MROH9: variants seen among roughly 807,000 people sequenced by gnomAD.
MROH9 encodes maestro heat like repeat family member 9, also known as maestro heat-like repeat-containing protein family member 9.
Under a neutral mutation model 98.2 loss-of-function variants are expected in MROH9, and 92 were observed. The observed-to-expected ratio is 0.94, with a 90% CI of 0.79 to 1.11. MROH9 has a LOEUF of 1.11. MROH9 is among the 50% of genes most tolerant of loss of function. The probability of loss-of-function intolerance (pLI) is 0.00; values close to 1 mark genes in which losing one functional copy is unlikely to be tolerated. For synonymous variants in MROH9, 397 were observed against 368.9 expected (o/e 1.08, Z -0.87); for missense variants, 1,057 against 1,014.8 (o/e 1.04, Z -0.57).
At chr1:170,965,336 A>G (rs1189700433) in intron 7 of MROH9, 81 bp downstream of exon 7, 1 of 892,362 alleles carries the variant, frequency 1.1e-6, no homozygotes, top group Non-Finnish European at 1.8e-6. Flanking sequence ...TTGGGTCCTA[A>G]CAGTACTTGA....
chr1:171,014,184 A>G lies in MROH9; in HGVS notation c.1664A>G (p.Asn555Ser), dbSNP rs1372939865. 1.9e-6 allele frequency: 3 copies of G among 1,550,904 alleles called. No homozygotes were observed. Among genetic ancestry groups the G allele is most frequent in the African/African-American group, 1.4e-5 (1 of 73,034 alleles). ...EFLVLFINWI[N>S]DSNPVVSRLI... The stretch of plus-strand genomic sequence containing the variant: ...TTGGTCCTCTTCATAAACTGGATCA[A>G]TGATTCCAATCCTGTAGTTAGCAGA... Residue 555 changes from asparagine (N) to serine (S), a missense_variant, in exon 16 of 22, where the codon AAT becomes AGT. Asn to Ser is a conservative substitution (Grantham distance 46). Transcript: ENST00000367759.
At chr1:170,949,382 A>G (rs1258984600) in intron 3 of MROH9, among the ~76,000 whole-genome samples, 1 of 152,080 alleles carries the variant, frequency 6.6e-6, no homozygotes, top group African/African-American at 2.4e-5. Context: ...AAGAGGAAAT[A>G]ACAGGAGTTG....
rs545701717 is a variant in MROH9 at position 171,015,414 on chromosome 1, C to T, written c.1735-749C>T. Reference sequence around the variant, plus strand: ...GTGATCTGGGTTGAGATTTCATATACTGTTGGTAAAGACACAAATGGCCTC... The same window carrying T: ...GTGATCTGGGTTGAGATTTCATATATTGTTGGTAAAGACACAAATGGCCTC... On this transcript the variant is annotated intron_variant, in intron 16 of 21. Transcript: ENST00000367759. 5.3e-5 allele frequency among the ~76,000 whole-genome samples: 8 copies of T among 152,324 alleles called. 1 individual carries two copies. The South Asian group carries it at 1.5e-3, about 28-fold the overall frequency.
chr1:171,014,620 G>A (rs1183894928), intron 16 of MROH9, among the ~76,000 whole-genome samples: 1 of 152,020 alleles, frequency 6.6e-6, no homozygotes, highest in Non-Finnish European at 1.5e-5. Context: ...ACTTGCTCAA[G>A]CTTTTTCTTC....
chr1:170,969,841 G>T (rs1354266582), intron 7 of MROH9, among the ~76,000 whole-genome samples: 1 of 151,980 alleles, frequency 6.6e-6, no homozygotes, highest in South Asian at 2.1e-4. Flanking sequence ...TTCTATAAAG[G>T]CAGGATATAT....
intron 12 of MROH9, among the ~76,000 whole-genome samples, chr1:170,994,441 C>T (rs777900489): frequency 1.3e-5 from 2 of 152,076 alleles, no homozygotes; most frequent in Non-Finnish European, 1.5e-5. Context: ...TCATGTTTCT[C>T]ACATGTCATT....
intron 12 of MROH9, among the ~76,000 whole-genome samples, chr1:170,994,417 T>C (rs1205925939): frequency 1.3e-5 from 2 of 152,202 alleles, no homozygotes; most frequent in African/African-American, 4.8e-5. Context: ...CCTATGAAGT[T>C]TTCTGTCATG....
At chr1:171,054,522 T>C (rs905776919) in intron 20 of MROH9, among the ~76,000 whole-genome samples, 10 of 152,184 alleles carry the variant, frequency 6.6e-5, no homozygotes, top group African/African-American at 2.4e-4. Flanking sequence ...AAAATTAAGA[T>C]AAACAGATGG....
At chr1:171,051,971 T>C (rs1363033206) in intron 20 of MROH9, among the ~76,000 whole-genome samples, 4 of 152,162 alleles carry the variant, frequency 2.6e-5, no homozygotes, top group Admixed American at 1.3e-4. Context: ...TTTAATAGAA[T>C]TGGTATCAGT....
Position 171,016,149 on chromosome 1 carries a change from C to T in MROH9, c.1735-14C>T, listed in dbSNP as rs767502028. 1.2e-5 allele frequency: 17 copies of T among 1,415,438 alleles called. No homozygotes were observed. The Admixed American group carries it at 2.1e-4, about 18-fold the overall frequency. The allele number at this position is 1,415,438 out of a possible 1,614,324, so 87.7% of individuals were successfully genotyped here. ...TAGTTCCTAAATCCCACCATTTTTT[C>T]CTTTTATATGTAGACAGAAAATGTC... On this transcript the variant is annotated splice_polypyrimidine_tract_variant and intron_variant, in intron 16 of 21. Coordinates refer to ENST00000367759, the MANE Select transcript of MROH9 (RefSeq NM_001163629.2).
chr1:171,035,393 A>G (rs1571156874), intron 20 of MROH9, among the ~76,000 whole-genome samples: 1 of 152,004 alleles, frequency 6.6e-6, no homozygotes, highest in South Asian at 2.1e-4. Flanking sequence ...TAGAACAATA[A>G]CAACCCATTT....
chr1:171,024,865 G>T (rs1335367437), intron 19 of MROH9, 100 bp downstream of exon 19: 3 of 689,552 alleles, frequency 4.4e-6, no homozygotes, highest in Non-Finnish European at 7.3e-6. Flanking sequence ...AGTGGATCTT[G>T]GAGGAAAAAA....
chr1:170,998,747 T>C (rs1415525440), intron 15 of MROH9: 1 of 987,090 alleles, frequency 1.0e-6, no homozygotes, highest in Non-Finnish European at 1.2e-6. Flanking sequence ...AATACTATAA[T>C]GGAATCAAGC....
intron 3 of MROH9, among the ~76,000 whole-genome samples, chr1:170,956,062 T>C (rs1399272308): frequency 1.3e-5 from 2 of 152,196 alleles, no homozygotes; most frequent in Non-Finnish European, 2.9e-5. Flanking sequence ...GCACCATTTG[T>C]TGAAAAGGGT....
intron 12 of MROH9, among the ~76,000 whole-genome samples, chr1:170,995,188 G>A (rs1052974851): frequency 2.6e-5 from 4 of 152,082 alleles, no homozygotes; most frequent in South Asian, 2.1e-4. Flanking sequence ...GTTCCTTACC[G>A]TAGTAGGCTT....
intron 20 of MROH9, among the ~76,000 whole-genome samples, chr1:171,028,400 A>G (rs1371829557): frequency 6.6e-6 from 1 of 152,128 alleles, no homozygotes; most frequent in Admixed American, 6.5e-5. Context: ...CTGCTTTGGT[A>G]CCAGTACCAT....
At chr1:171,010,651 A>G (rs1038808968) in intron 15 of MROH9, among the ~76,000 whole-genome samples, 1 of 152,136 alleles carries the variant, frequency 6.6e-6, no homozygotes, top group African/African-American at 2.4e-5. Flanking sequence ...ATGTTATCTC[A>G]CTGTGGTTTT....
intron 20 of MROH9, among the ~76,000 whole-genome samples, chr1:171,036,225 A>G (rs987317118): frequency 1.3e-5 from 2 of 152,258 alleles, no homozygotes; most frequent in South Asian, 4.1e-4. Context: ...GGAGAAAATA[A>G]AAGGGAGCCT....
Position 171,047,862 on chromosome 1 carries a change from T to C in MROH9, c.2282-14270T>C, listed in dbSNP as rs145692243. Among the ~76,000 whole-genome samples, 220 of 152,288 alleles carry C rather than the reference T, an allele frequency of 1.4e-3. 1 individual carries two copies. The highest frequency in any genetic ancestry group is 5.1e-3 in the African/African-American group (211 of 41,566). Reference sequence around the variant, plus strand: ...TGTTGTAACCTAAGTTGTATCTACTTTGTATCCCCAAGCCAAGTAACACTG... The same window carrying C: ...TGTTGTAACCTAAGTTGTATCTACTCTGTATCCCCAAGCCAAGTAACACTG... On this transcript the variant is annotated intron_variant, in intron 20 of 21. Transcript: ENST00000367759.
Sources: allele counts gnomAD v4.1 joint callset (sites outside exome capture counted in the v4.1 genomes callset), GRCh38; gene constraint gnomAD v4.1.1; transcripts MANE v1.5; gene names NCBI Gene and HGNC (gene_info 2026-07-23, HGNC 2026-07-21).